The following IL13RA1 variants were observed in gnomAD, a reference collection of about 807,000 sequenced individuals.
The protein encoded by IL13RA1 is interleukin 13 receptor subunit alpha 1.
A neutral mutation model predicts 33.8 loss-of-function variants in IL13RA1; 14 were observed. The ratio of observed to expected loss-of-function variants is 0.41; its 90% confidence interval spans 0.27 to 0.65. The LOEUF (loss-of-function observed/expected upper bound fraction) is 0.65, where lower values mean the gene tolerates loss of function less well. Among genes scored for constraint, IL13RA1 ranks in the 30% least tolerant of loss-of-function variants. The pLI, the probability that IL13RA1 is intolerant of heterozygous loss-of-function variation, is 0.28. For missense variants in IL13RA1, 313 were observed against 327.0 expected (o/e 0.96, Z 0.33); for synonymous variants, 116 against 115.7 (o/e 1.00, Z -0.02).
At position 118,794,149 on chromosome X, in the gene IL13RA1, CTTCTT is replaced by C. The variant is rs932575611; in HGVS notation, c.*2298_*2302del. On this transcript the variant is annotated 3_prime_UTR_variant, in exon 11 of 11. Coordinates refer to ENST00000371666, the MANE Select transcript of IL13RA1 (RefSeq NM_001560.3). ...GGAAGTGATCTTTTGTTCCCATCCT[CTTCTT>C]TTAGCAGTAAAATAGCTGAGGGAAA... 4 of 111,471 alleles carry C rather than the reference CTTCTT, an allele frequency of 3.6e-5. No individual in the cohort carries two copies. In the Admixed American group the frequency reaches 3.8e-4, roughly 11 times the overall value. The allele number at this position is 111,471 out of a possible 1,213,427, so 9.2% of individuals were successfully genotyped here.
intron 1 of IL13RA1, among the ~76,000 whole-genome samples, chrX:118,738,976 C>T (rs893649620): frequency 1.8e-5 from 2 of 109,119 alleles, no homozygotes; most frequent in Admixed American, 9.8e-5. Context: ...TTAGTAGAGA[C>T]GGTGTTTCGT....
At position 118,747,005 on chromosome X, in the gene IL13RA1, A is replaced by G. The variant is rs1228581491; in HGVS notation, c.280A>G (p.Ile94Val). ...AATAGAAGTACCCCTGAATGAGAGG[A>G]TTTGTCTGCAAGTGGGGTCCCAGTG... ...RSIEVPLNER[I>V]CLQVGSQCST... The change falls in exon 3 of 11, where the codon ATT becomes GTT. Residue 94 changes from isoleucine (I) to valine (V), a missense_variant. Ile to Val is a conservative substitution (Grantham distance 29). Transcript: ENST00000371666. 1.7e-6 allele frequency: 2 copies of G among 1,162,334 alleles called. No individual in the cohort carries two copies. The highest frequency in any genetic ancestry group is 3.0e-5 in the East Asian group (1 of 33,569).
In IL13RA1 at chrX:118,758,179, A is replaced by C; in HGVS notation, c.613A>C (p.Met205Leu). The C allele has an allele frequency of 6.1e-6, 7 of 1,139,646 alleles. No individual in the cohort carries two copies. The highest frequency in any genetic ancestry group is 8.4e-6 in the Non-Finnish European group (7 of 835,521). The allele number at this position is 1,139,646 out of a possible 1,213,427, so 93.9% of individuals were successfully genotyped here. A position where few individuals can be genotyped will look rare whatever the true frequency, so the allele number is the denominator to read the frequency against. The change falls in exon 5 of 11, where the codon ATG (methionine) becomes CTG (leucine). Residue 205 changes from methionine to leucine, a missense_variant. Physicochemically the swap from Met to Leu is conservative, Grantham distance 15 (BLOSUM62 2). Coordinates refer to ENST00000371666, the MANE Select transcript of IL13RA1 (RefSeq NM_001560.3). ...SSFEQHSVQI[M>L]VKDNAGKIKP... Reference sequence around the variant, plus strand: ...TTTTGAACAACACAGTGTCCAAATAATGGTCAAGGATAATGCAGGAAAAAT... The same window carrying C: ...TTTTGAACAACACAGTGTCCAAATACTGGTCAAGGATAATGCAGGAAAAAT...
intron 5 of IL13RA1, 131 bp from the exon 6 acceptor site, chrX:118,761,007 T>A (rs1034717218): frequency 3.1e-5 from 12 of 388,845 alleles, no homozygotes; most frequent in South Asian, 7.4e-5. Flanking sequence ...TGCTATTTTT[T>A]AAAAAATATT....
At chrX:118,785,058 C>G (rs997484464) in intron 10 of IL13RA1, among the ~76,000 whole-genome samples, 4 of 109,946 alleles carry the variant, frequency 3.6e-5, no homozygotes, top group African/African-American at 1.3e-4. Flanking sequence ...TCTTCACTTA[C>G]AGATTTTAGT....
At position 118,773,798 on chromosome X, in the gene IL13RA1, C is replaced by T. The variant is rs764600556; in HGVS notation, c.1010-81C>T. The T allele has an allele frequency of 4.7e-5, 26 of 554,465 alleles. 1 individual carries two copies. The highest frequency in any genetic ancestry group is 2.5e-4 in the East Asian group (7 of 28,536). The allele number at this position is 554,465 out of a possible 1,213,427, so 45.7% of individuals were successfully genotyped here. ...GGGAGCAGAAATATTTGTGATCTTACTAGCTAACAGAATTGCTGCTTGGTT... is the reference window on the plus strand; with the variant it reads ...GGGAGCAGAAATATTTGTGATCTTATTAGCTAACAGAATTGCTGCTTGGTT... On this transcript the variant is annotated intron_variant, in intron 8 of 10. Coordinates refer to ENST00000371666, the MANE Select transcript of IL13RA1 (RefSeq NM_001560.3).
At chrX:118,791,650 C>A in intron 10 of IL13RA1, 112 bp from the exon 11 acceptor site, 6 of 324,036 alleles carry the variant, frequency 1.9e-5, no homozygotes, top group East Asian at 5.0e-5. Context: ...GGAAATCATA[C>A]CCCTACGGTT....
At chrX:118,775,703 A>T (rs2017774281) in intron 9 of IL13RA1, among the ~76,000 whole-genome samples, 1 of 111,469 alleles carries the variant, frequency 9.0e-6, no homozygotes, top group Admixed American at 9.6e-5. Flanking sequence ...TGAGCAACTG[A>T]GTGAATGCTG....
At chrX:118,738,321 G>T (rs1187852536) in intron 1 of IL13RA1, 6 of 111,533 alleles carry the variant, frequency 5.4e-5, no homozygotes, top group African/African-American at 2.0e-4. Flanking sequence ...GATCACCCAG[G>T]CTGTAACCAT....
intron 6 of IL13RA1, among the ~76,000 whole-genome samples, chrX:118,764,554 T>C (rs1180310319): frequency 9.0e-6 from 1 of 110,576 alleles, no homozygotes; most frequent in East Asian, 2.9e-4. Flanking sequence ...TCTCAGCTCT[T>C]TACACAGGCT....
At chrX:118,767,981 A>T (rs2017668728) in intron 8 of IL13RA1, among the ~76,000 whole-genome samples, 1 of 111,995 alleles carries the variant, frequency 8.9e-6, no homozygotes, top group Non-Finnish European at 1.9e-5. Context: ...TTGAAAGGAT[A>T]ATCAGGATGT....
At chrX:118,752,728 T>TC (rs771919798) in intron 4 of IL13RA1, among the ~76,000 whole-genome samples, 2 of 112,578 alleles carry the variant, frequency 1.8e-5, no homozygotes, top group East Asian at 5.6e-4. Flanking sequence ...AAGTTGTGAA[T>TC]GTTTGGTAGG....
the IL13RA1 span, among the ~76,000 whole-genome samples, chrX:118,802,828 G>T: frequency 8.9e-6 from 1 of 111,889 alleles, no homozygotes; most frequent in Non-Finnish European, 1.9e-5. Context: ...TGTTTCCAAA[G>T]GGAGACAAAG....
At chrX:118,733,402 C>T (rs773402626) in intron 1 of IL13RA1, among the ~76,000 whole-genome samples, 18 of 111,689 alleles carry the variant, frequency 1.6e-4, no homozygotes, top group Non-Finnish European at 3.0e-4. Context: ...TGATGAACAC[C>T]TTCATGTGCT....
At chrX:118,761,057 A>G (rs2017585228) in intron 5 of IL13RA1, 81 bp from the exon 6 acceptor site, 3 of 452,868 alleles carry the variant, frequency 6.6e-6, no homozygotes, top group Admixed American at 4.0e-5. Context: ...TGTGGAATCC[A>G]TGGATATGGA....
chrX:118,756,874 G>T (rs1268341303), intron 4 of IL13RA1, among the ~76,000 whole-genome samples: 3 of 111,654 alleles, frequency 2.7e-5, no homozygotes, highest in African/African-American at 9.8e-5. Flanking sequence ...GGAGCAGTTG[G>T]AGATCTGGGA....
intron 8 of IL13RA1, among the ~76,000 whole-genome samples, chrX:118,771,023 G>A (rs2017713348): frequency 8.9e-6 from 1 of 111,808 alleles, no homozygotes; most frequent in African/African-American, 3.3e-5. Flanking sequence ...ACTCTTGGGG[G>A]CTGCTAAACT....
chrX:118,739,427 G>C (rs774364031), intron 1 of IL13RA1, among the ~76,000 whole-genome samples: 5 of 111,972 alleles, frequency 4.5e-5, no homozygotes, highest in Non-Finnish European at 7.5e-5. Flanking sequence ...AACAGGCCCA[G>C]TGCACTCCAA....
chrX:118,747,718 C>G (rs911174701), intron 3 of IL13RA1, among the ~76,000 whole-genome samples: 10 of 110,768 alleles, frequency 9.0e-5, no homozygotes, highest in Admixed American at 4.9e-4. Flanking sequence ...TCATTGTTCC[C>G]CAATCCCACC....
Sources: allele counts gnomAD v4.1 joint callset (sites outside exome capture counted in the v4.1 genomes callset), GRCh38; gene constraint gnomAD v4.1.1; transcripts MANE v1.5; gene names NCBI Gene and HGNC (gene_info 2026-07-23, HGNC 2026-07-21).